The following SSH1 variants were observed in gnomAD, a reference collection of about 807,000 sequenced individuals.
SSH1 encodes protein phosphatase Slingshot homolog 1.
A neutral mutation model predicts 79.7 loss-of-function variants in SSH1; 43 were observed. The observed-to-expected ratio is 0.54, with a 90% CI of 0.42 to 0.70. The LOEUF is 0.70. SSH1 is among the 30% of genes least tolerant of loss of function. SSH1 has a pLI of 0.00. For missense variants in SSH1, 1,206 were observed against 1,358.8 expected, an observed-to-expected ratio of 0.89 and a Z score of 1.77; for synonymous variants, 599 against 538.3, an observed-to-expected ratio of 1.11 and a Z score of -1.56.
Position 108,788,843 on chromosome 12 carries a change from GTTC to G in SSH1, c.2292_2294del (p.Lys764del), listed in dbSNP as rs746011116. On this transcript the variant is annotated inframe_deletion, in exon 15 of 15. Coordinates refer to ENST00000326495, the MANE Select transcript of SSH1 (RefSeq NM_018984.4). ...TTATTACCACTTCTGTGCTGGGAGG[GTTC>G]TTATCACAGTGAGAATTCTTCAAAA... is the stretch of plus-strand genomic sequence containing the variant. 7.4e-6 allele frequency: 12 copies of G among 1,614,202 alleles called. 1 individual carries two copies. Among genetic ancestry groups the G allele is most frequent in the South Asian group, 2.2e-5 (2 of 91,086 alleles).
rs1022330817 is a variant in SSH1, at chr12:108,807,060, C to G, written c.731+573G>C. On this transcript the variant is annotated intron_variant, in intron 8 of 14. Coordinates refer to ENST00000326495, the MANE Select transcript of SSH1 (RefSeq NM_018984.4). This position sits in a 1 kb window ranked among gnomAD's most constrained non-coding sequence, Gnocchi z 5.2. The stretch of plus-strand genomic sequence containing the variant: ...CACTGTGGGAGCAGGGTCCTGACCC[C>G]GAGGGGAGGGGCGACCAGCATTCTC... Among the ~76,000 whole-genome samples, 1 of 152,190 alleles carries G rather than the reference C, an allele frequency of 6.6e-6. No individual in the cohort carries two copies. Among genetic ancestry groups the G allele is most frequent in the Non-Finnish European group, 1.5e-5 (1 of 68,040 alleles).
intron 2 of SSH1, chr12:108,827,444 C>T (rs1396367406): frequency 2.3e-6 from 3 of 1,310,614 alleles, no homozygotes; most frequent in Non-Finnish European, 9.8e-7. Context: ...AGGAGGCTGC[C>T]GAGTGCTTCC....
At chr12:108,791,913 A>G (rs1421346174) in intron 14 of SSH1, 1 of 1,304,838 alleles carries the variant, frequency 7.7e-7, no homozygotes, top group African/African-American at 1.5e-5. Context: ...ATATATCGAT[A>G]AAGGCTGAAG....
rs1207331078 is a variant in SSH1, at chr12:108,791,898, T to TA, written c.1893+387dup. 36 of 1,260,396 alleles carry TA rather than the reference T, an allele frequency of 2.9e-5. No individual in the cohort carries two copies. The East Asian group carries it at 1.1e-3, about 37-fold the overall frequency. The allele number at this position is 1,260,396 out of a possible 1,614,324, so 78.1% of individuals were successfully genotyped here. A position where few individuals can be genotyped will look rare whatever the true frequency, so the allele number is the denominator to read the frequency against. On this transcript the variant is annotated intron_variant, in intron 14 of 14. Transcript: ENST00000326495. ...GTGGTAGGGGTGAGATGAAAAAGAA[T>TA]AGTCATATATCGATAAAGGCTGAAG...
At chr12:108,844,267 T>C (rs1429385345) in intron 2 of SSH1, among the ~76,000 whole-genome samples, 2 of 147,298 alleles carry the variant, frequency 1.4e-5, no homozygotes, top group South Asian at 2.2e-4. Context: ...TCCAAAATCA[T>C]AGAAAAAAAA....
intron 13 of SSH1, among the ~76,000 whole-genome samples, chr12:108,798,209 A>G (rs1358962589): frequency 1.3e-5 from 2 of 152,200 alleles, no homozygotes; most frequent in Non-Finnish European, 2.9e-5. Context: ...TGTCCCAAAA[A>G]GGGGTCAAGA....
intron 3 of SSH1, among the ~76,000 whole-genome samples, chr12:108,820,437 C>T (rs569012050): frequency 1.3e-5 from 2 of 152,310 alleles, no homozygotes; most frequent in East Asian, 3.9e-4. Flanking sequence ...CCTGGGCCCT[C>T]CCACCATCTA....
intron 2 of SSH1, among the ~76,000 whole-genome samples, chr12:108,841,814 CA>C (rs201649149): frequency 1.4e-5 from 2 of 143,044 alleles, no homozygotes; most frequent in Non-Finnish European, 3.0e-5. Context: ...TCCCCCCCCA[CA>C]AAAAAAAAGT....
At chr12:108,853,246 G>A (rs904339750) in intron 1 of SSH1, 40 of 985,162 alleles carry the variant, frequency 4.1e-5, no homozygotes, top group Non-Finnish European at 4.6e-5. Flanking sequence ...CTAGGCTATC[G>A]GTTTATTTAT....
rs2036154624 is a variant in SSH1 at position 108,782,245 on chromosome 12, G to A, written c.*5743C>T. On this transcript the variant is annotated 3_prime_UTR_variant, in exon 15 of 15. Transcript: ENST00000326495. ...CCTGGGGTGAAGTGGACTGGGACAT[G>A]AGCATGCACCTTGGAAACCAGCAGT... 6.6e-6 allele frequency: 1 copy of A among 151,898 alleles called. No individual in the cohort carries two copies. Among genetic ancestry groups the A allele is most frequent in the Non-Finnish European group, 1.5e-5 (1 of 68,024 alleles). The allele number at this position is 151,898 out of a possible 1,614,324, so 9.4% of individuals were successfully genotyped here.
intron 11 of SSH1, among the ~76,000 whole-genome samples, chr12:108,801,314 A>G (rs968433645): frequency 6.6e-6 from 1 of 152,210 alleles, no homozygotes; most frequent in African/African-American, 2.4e-5. Context: ...GACTATATCC[A>G]TCCATTATCT....
chr12:108,826,782 TGAA>T (rs1050883274), intron 2 of SSH1, among the ~76,000 whole-genome samples: 12 of 152,132 alleles, frequency 7.9e-5, no homozygotes, highest in African/African-American at 2.9e-4. Flanking sequence ...GGGAAGTCCA[TGAA>T]GAAATCCACA....
chr12:108,791,792 A>G (rs2036512300), intron 14 of SSH1: 1 of 281,186 alleles, frequency 3.6e-6, no homozygotes, highest in Non-Finnish European at 5.8e-6. Context: ...GTATATACCT[A>G]TAATATATAT....
intron 2 of SSH1, among the ~76,000 whole-genome samples, chr12:108,844,575 C>G (rs1206208438): frequency 6.6e-6 from 1 of 152,248 alleles, no homozygotes; most frequent in Non-Finnish European, 1.5e-5. Context: ...AGAACACACA[C>G]AGATTGACTG....
chr12:108,795,547 T>C (rs1427393091), intron 13 of SSH1, among the ~76,000 whole-genome samples: 1 of 145,864 alleles, frequency 6.9e-6, no homozygotes, highest in Non-Finnish European at 1.5e-5. Flanking sequence ...TGACCCTCAA[T>C]TTTTTTTTTT....
At chr12:108,852,775 TAA>T (rs2039070579) in intron 1 of SSH1, 97 bp from the exon 2 acceptor site, 1 of 1,604,344 alleles carries the variant, frequency 6.2e-7, no homozygotes, top group African/African-American at 1.3e-5. Context: ...TGGAAAAAGA[TAA>T]AGATATCCAG....
chr12:108,805,067 G>A lies in SSH1; in HGVS notation c.943C>T (p.His315Tyr), dbSNP rs528655823. 2 of 1,614,176 alleles carry A rather than the reference G, an allele frequency of 1.2e-6. No homozygotes were observed. The highest frequency in any genetic ancestry group is 1.7e-5 in the Admixed American group (1 of 60,026). The change falls in exon 10 of 15, where the codon CAT becomes TAT. Residue 315 changes from histidine to tyrosine, a missense_variant. This residue lies in a region of SSH1 where 166 missense variants were observed against 262.9 expected (regional missense o/e 0.63). Transcript: ENST00000326495. ...GCCATGCCTCTTACGAGATAAAGAT[G>A]ATCGAAGATAAGGGAGGGCTTGTCC... ...QMDKPSLIFD[H>Y]LYLGSEWNAS... is the part of the protein sequence containing the mutation.
chr12:108,790,131 A>G (rs898804186), intron 14 of SSH1, among the ~76,000 whole-genome samples: 25 of 149,338 alleles, frequency 1.7e-4, no homozygotes, highest in African/African-American at 5.9e-4. Flanking sequence ...CCACCTGCTT[A>G]AAGGCCCCGC....
At chr12:108,791,763 G>A (rs1401580918) in intron 14 of SSH1, among the ~76,000 whole-genome samples, 2 of 152,028 alleles carry the variant, frequency 1.3e-5, no homozygotes, top group African/African-American at 2.4e-5. Context: ...TCTATAGTAT[G>A]TATCTATCTA....
Sources: gnomAD v4.1 joint callset for allele counts (sites outside exome capture counted in the v4.1 genomes callset) on GRCh38, gnomAD v4.1.1 for gene constraint, gnomAD v4.1.1 regional missense constraint, Gnocchi (gnomAD v3.1) non-coding constraint, MANE v1.5 for transcripts, NCBI Gene and HGNC (gene_info 2026-07-23, HGNC 2026-07-21) for gene names.